The following SEMA6D variants were observed in gnomAD, a reference collection of about 807,000 sequenced individuals.
SEMA6D encodes semaphorin-6D.
In SEMA6D, 35 loss-of-function variants were observed where a neutral mutation model predicts 106.6. That is an observed-to-expected ratio of 0.33 (90% CI 0.25 to 0.44). The LOEUF is 0.44. SEMA6D is among the 20% of genes least tolerant of loss of function. The pLI is 1.00. For missense variants in SEMA6D, 1,185 were observed against 1,345.9 expected, an observed-to-expected ratio of 0.88 and a Z score of 1.87; for synonymous variants, 499 against 487.7, an observed-to-expected ratio of 1.02 and a Z score of -0.31.
intron 3 of SEMA6D, among the ~76,000 whole-genome samples, chr15:47,478,198 CT>C (rs1205418220): frequency 2.0e-4 from 31 of 152,230 alleles, no homozygotes; most frequent in Admixed American, 1.8e-3. Flanking sequence ...ATGAATTATC[CT>C]TTATTTTTCA....
At chr15:47,621,341 G>A (rs979182000) in intron 4 of SEMA6D, among the ~76,000 whole-genome samples, 3 of 152,128 alleles carry the variant, frequency 2.0e-5, no homozygotes, top group African/African-American at 7.2e-5. Flanking sequence ...AAACGTAGGA[G>A]TTATAAGCAC....
intron 1 of SEMA6D, among the ~76,000 whole-genome samples, chr15:47,398,208 A>G (rs546142993): frequency 1.3e-5 from 2 of 152,316 alleles, no homozygotes; most frequent in African/African-American, 4.8e-5. Context: ...GTTCTCACCT[A>G]TTTAATCACC....
intron 4 of SEMA6D, among the ~76,000 whole-genome samples, chr15:47,708,177 TA>T (rs146463427): frequency 6.6e-6 from 1 of 152,178 alleles, no homozygotes; most frequent in Admixed American, 6.5e-5. Context: ...CATCTTTTCC[TA>T]AAAAAATCTG....
At position 47,224,049 on chromosome 15, in the gene SEMA6D, C is replaced by T. The variant is rs546966198; in HGVS notation, c.-239+39631C>T. On this transcript the variant is annotated intron_variant, in intron 1 of 19. Coordinates refer to the SEMA6D transcript ENST00000558014. ...GGAGGGATAGCATTGGGAGATATACCGAATGCTAGATGACGAGTTAGTGGG... is the reference window on the plus strand; with the variant it reads ...GGAGGGATAGCATTGGGAGATATACTGAATGCTAGATGACGAGTTAGTGGG... Among the ~76,000 whole-genome samples the T allele has an allele frequency of 1.1e-4, 17 of 151,586 alleles. 1 individual carries two copies. The highest frequency in any genetic ancestry group is 2.7e-4 in the African/African-American group (11 of 41,352).
chr15:47,763,841 G>A lies in SEMA6D; in HGVS notation c.748-9G>A, dbSNP rs367926956. Reference sequence around the variant, plus strand: ...TAACCCCATTGCTTTGCTTCTATCCGTTGGGCAGGCTGTGTATTCCCGCGT... The same window carrying A: ...TAACCCCATTGCTTTGCTTCTATCCATTGGGCAGGCTGTGTATTCCCGCGT... On this transcript the variant is annotated splice_polypyrimidine_tract_variant and intron_variant, in intron 9 of 18. Coordinates refer to ENST00000536845, the MANE Select transcript of SEMA6D (RefSeq NM_001358351.3). The A allele has an allele frequency of 8.7e-6, 14 of 1,611,468 alleles. No individual in the cohort carries two copies. The highest frequency in any genetic ancestry group is 4.4e-5 in the South Asian group (4 of 90,976).
intron 3 of SEMA6D, among the ~76,000 whole-genome samples, chr15:47,587,283 T>A (rs1461289058): frequency 2.0e-4 from 30 of 152,192 alleles, no homozygotes; most frequent in Non-Finnish European, 4.4e-5. Context: ...TCACCTCCTC[T>A]ACACTTCTTC....
At chr15:47,586,496 T>C (rs2076342460) in intron 3 of SEMA6D, among the ~76,000 whole-genome samples, 1 of 152,228 alleles carries the variant, frequency 6.6e-6, no homozygotes, top group Admixed American at 6.5e-5. Flanking sequence ...TTTTATCTAC[T>C]TCTCAGATTG....
At chr15:47,264,617 T>G (rs2034230416) in intron 1 of SEMA6D, among the ~76,000 whole-genome samples, 1 of 152,064 alleles carries the variant, frequency 6.6e-6, no homozygotes, top group Admixed American at 6.6e-5. Flanking sequence ...TGTGTTTCCC[T>G]GGCTAGAACT....
intron 1 of SEMA6D, among the ~76,000 whole-genome samples, chr15:47,338,840 C>T (rs1480963712): frequency 6.6e-6 from 1 of 152,132 alleles, no homozygotes; most frequent in East Asian, 1.9e-4. Context: ...TCCTGTCGTC[C>T]TTTCATCTGT....
intron 3 of SEMA6D, among the ~76,000 whole-genome samples, chr15:47,506,000 G>A (rs898243895): frequency 1.3e-5 from 2 of 152,062 alleles, no homozygotes; most frequent in Non-Finnish European, 2.9e-5. Context: ...ATGCATTGGA[G>A]GATTTTGATC....
At chr15:47,410,599 G>A (rs575811263) in intron 1 of SEMA6D, among the ~76,000 whole-genome samples, 4 of 152,302 alleles carry the variant, frequency 2.6e-5, no homozygotes, top group East Asian at 1.9e-4. Flanking sequence ...TCTGAAGGAG[G>A]CCTCTACTAA....
intron 3 of SEMA6D, among the ~76,000 whole-genome samples, chr15:47,521,979 C>T (rs55921628): frequency 0.088 from 12,970 of 147,760 alleles, 613 homozygotes; most frequent in Middle Eastern, 0.1. Flanking sequence ...AGCGAGACTC[C>T]GTCTCAAAAA....
chr15:47,464,131 A>G (rs1464451810), intron 2 of SEMA6D, among the ~76,000 whole-genome samples: 1 of 152,106 alleles, frequency 6.6e-6, no homozygotes, highest in Admixed American at 6.6e-5. Context: ...ATCTGGACAT[A>G]TCTTTTGGGG....
chr15:47,520,323 G>A lies in SEMA6D; in HGVS notation c.-87+49778G>A, dbSNP rs755840699. ...GGGGAAATTGAGATCCAAAACTGCT[G>A]AGTCCTTAGGCCCTGGGCCAGGGGC... On this transcript the variant is annotated intron_variant, in intron 3 of 19. Coordinates refer to the SEMA6D transcript ENST00000558014. 3.3e-5 allele frequency among the ~76,000 whole-genome samples: 5 copies of A among 152,340 alleles called. No homozygotes were observed. The East Asian group carries it at 7.7e-4, about 24-fold the overall frequency.
intron 2 of SEMA6D, among the ~76,000 whole-genome samples, chr15:47,443,992 G>T (rs181714998): frequency 7.9e-5 from 12 of 152,240 alleles, no homozygotes; most frequent in Admixed American, 2.0e-4. Context: ...GACAGTCATG[G>T]TATCTTGGGG....
intron 1 of SEMA6D, among the ~76,000 whole-genome samples, chr15:47,734,944 G>T (rs1192569228): frequency 6.6e-6 from 1 of 152,110 alleles, no homozygotes; most frequent in African/African-American, 2.4e-5. Context: ...AATTGATTGA[G>T]CACTGTTATT....
chr15:47,287,200 C>CT (rs2035404873), intron 1 of SEMA6D, among the ~76,000 whole-genome samples: 1 of 152,156 alleles, frequency 6.6e-6, no homozygotes, highest in African/African-American at 2.4e-5. Context: ...GAGTCCTTAT[C>CT]AGTTGCATCA....
intron 1 of SEMA6D, among the ~76,000 whole-genome samples, chr15:47,206,690 A>C (rs965523205): frequency 1.3e-5 from 2 of 152,016 alleles, no homozygotes; most frequent in Non-Finnish European, 2.9e-5. Context: ...TCATGTGTGC[A>C]TGTTCTGATT....
At chr15:47,431,454 A>G (rs975397078) in intron 2 of SEMA6D, among the ~76,000 whole-genome samples, 5 of 152,122 alleles carry the variant, frequency 3.3e-5, no homozygotes, top group African/African-American at 1.2e-4. Context: ...CTGTATCCTC[A>G]TTATGAACAT....
Sources: gnomAD v4.1 joint callset for allele counts (sites outside exome capture counted in the v4.1 genomes callset) on GRCh38, gnomAD v4.1.1 for gene constraint, MANE v1.5 for transcripts, NCBI Gene and HGNC (gene_info 2026-07-23, HGNC 2026-07-21) for gene names.